The following MB21D2 variants were observed in gnomAD, a reference collection of about 807,000 sequenced individuals.
The protein encoded by MB21D2 is nucleotidyltransferase MB21D2.
In MB21D2, 9 loss-of-function variants were observed where a neutral mutation model predicts 33.3. The observed-to-expected ratio is 0.27, with a 90% CI of 0.16 to 0.47. The LOEUF is 0.47. Ranked by LOEUF, MB21D2 falls within the 20% of genes least tolerant of loss-of-function variation. The pLI, the probability that MB21D2 is intolerant of heterozygous loss-of-function variation, is 0.99. For missense variants in MB21D2, 540 were observed against 624.6 expected (o/e 0.86, Z 1.44); for synonymous variants, 241 against 236.3 (o/e 1.02, Z -0.18).
At chr3:192,862,161 G>T (rs1390034194) in intron 1 of MB21D2, among the ~76,000 whole-genome samples, 1 of 152,222 alleles carries the variant, frequency 6.6e-6, no homozygotes, top group African/African-American at 2.4e-5. Flanking sequence ...AAATGTATCT[G>T]CTTTCATCTG....
chr3:192,815,072 G>A (rs1711891052), intron 1 of MB21D2, among the ~76,000 whole-genome samples: 1 of 151,932 alleles, frequency 6.6e-6, no homozygotes, highest in Admixed American at 6.6e-5. Flanking sequence ...AGAAATAAGA[G>A]TTTCTTTAAT....
intron 1 of MB21D2, among the ~76,000 whole-genome samples, chr3:192,849,148 C>A (rs1005933642): frequency 6.6e-5 from 10 of 152,144 alleles, no homozygotes; most frequent in Non-Finnish European, 1.0e-4. Flanking sequence ...CCTCTGGCCA[C>A]TGGAGTGACA....
chr3:192,857,601 G>C (rs7626384), intron 1 of MB21D2, among the ~76,000 whole-genome samples: 1 of 151,872 alleles, frequency 6.6e-6, no homozygotes, highest in African/African-American at 2.4e-5. Flanking sequence ...ACTACTCCAC[G>C]TGTACATAAT....
intron 1 of MB21D2, among the ~76,000 whole-genome samples, chr3:192,829,602 A>C (rs1712268368): frequency 1.3e-5 from 2 of 151,224 alleles, no homozygotes; most frequent in African/African-American, 4.8e-5. Flanking sequence ...TCTTCTGTTT[A>C]TGTTTATGTT....
At chr3:192,824,970 A>G (rs1712143013) in intron 1 of MB21D2, among the ~76,000 whole-genome samples, 1 of 152,122 alleles carries the variant, frequency 6.6e-6, no homozygotes, top group Admixed American at 6.5e-5. Context: ...TCTGCCTAAA[A>G]CATTACATAC....
At chr3:192,885,592 C>T (rs2108644761) in intron 1 of MB21D2, among the ~76,000 whole-genome samples, 1 of 152,190 alleles carries the variant, frequency 6.6e-6, no homozygotes, top group Non-Finnish European at 1.5e-5. Context: ...CAAGAAGCTC[C>T]TTCTCAATCA....
intron 1 of MB21D2, among the ~76,000 whole-genome samples, chr3:192,890,760 A>C (rs912459823): frequency 6.6e-6 from 1 of 152,034 alleles, no homozygotes; most frequent in Non-Finnish European, 1.5e-5. Context: ...TGCTCTGAGG[A>C]TATGGCATTA....
At chr3:192,885,168 G>A (rs888958962) in intron 1 of MB21D2, among the ~76,000 whole-genome samples, 1 of 152,072 alleles carries the variant, frequency 6.6e-6, no homozygotes, top group African/African-American at 2.4e-5. Context: ...TGACTACATT[G>A]TAAGCCCAAT....
At chr3:192,891,503 T>C (rs900502973) in intron 1 of MB21D2, among the ~76,000 whole-genome samples, 2 of 152,130 alleles carry the variant, frequency 1.3e-5, no homozygotes, top group Non-Finnish European at 2.9e-5. Context: ...TGCAAATCCA[T>C]TGCAAGAGAA....
At chr3:192,908,423 G>C (rs1173080006) in intron 1 of MB21D2, among the ~76,000 whole-genome samples, 1 of 145,708 alleles carries the variant, frequency 6.9e-6, no homozygotes, top group African/African-American at 2.5e-5. Flanking sequence ...TTTTGAGACA[G>C]AGTCTCCCTC....
chr3:192,886,024 G>A (rs1037571728), intron 1 of MB21D2, among the ~76,000 whole-genome samples: 5 of 151,950 alleles, frequency 3.3e-5, no homozygotes, highest in African/African-American at 9.7e-5. Context: ...ACAGTGGCGC[G>A]ATCTCGGCTG....
At chr3:192,829,918 G>A (rs894575145) in intron 1 of MB21D2, among the ~76,000 whole-genome samples, 1 of 152,170 alleles carries the variant, frequency 6.6e-6, no homozygotes, top group South Asian at 2.1e-4. Context: ...GTAGAGACAA[G>A]GGTCTTGCTA....
intron 1 of MB21D2, among the ~76,000 whole-genome samples, chr3:192,912,495 A>T (rs180721204): frequency 1.4e-3 from 220 of 152,226 alleles, no homozygotes; most frequent in African/African-American, 5.1e-3. Flanking sequence ...CAACATGGTG[A>T]AACCCCATCT....
At chr3:192,831,783 A>C (rs1179640046) in intron 1 of MB21D2, among the ~76,000 whole-genome samples, 1 of 152,230 alleles carries the variant, frequency 6.6e-6, no homozygotes, top group East Asian at 1.9e-4. Context: ...TGTTCTGTCC[A>C]CTACACAGAG....
intron 1 of MB21D2, among the ~76,000 whole-genome samples, chr3:192,916,953 G>C (rs749599607): frequency 1.3e-5 from 2 of 152,202 alleles, no homozygotes; most frequent in Non-Finnish European, 2.9e-5. Context: ...TAAGAATTCC[G>C]AGCTCAGCGA....
intron 1 of MB21D2, among the ~76,000 whole-genome samples, chr3:192,816,678 T>C (rs973057966): frequency 3.3e-5 from 5 of 152,174 alleles, no homozygotes; most frequent in Non-Finnish European, 5.9e-5. Flanking sequence ...ACATCGTCGT[T>C]GGTAAGATTC....
At chr3:192,882,596 A>ATTGG (rs574377352) in intron 1 of MB21D2, among the ~76,000 whole-genome samples, 201 of 152,144 alleles carry the variant, frequency 1.3e-3, no homozygotes, top group Admixed American at 3.3e-3. Context: ...ACTGTTTACC[A>ATTGG]TTGGTTATGG....
chr3:192,850,966 C>T (rs1449598550), intron 1 of MB21D2, among the ~76,000 whole-genome samples: 1 of 152,184 alleles, frequency 6.6e-6, no homozygotes, highest in Non-Finnish European at 1.5e-5. Flanking sequence ...GCAGTTAAAC[C>T]AAGCTTGCTC....
At chr3:192,857,039 C>T (rs1712932743) in intron 1 of MB21D2, among the ~76,000 whole-genome samples, 1 of 152,104 alleles carries the variant, frequency 6.6e-6, no homozygotes, top group Admixed American at 6.5e-5. Context: ...AAAGTACTTG[C>T]ACTTCATTAC....
Sources: gnomAD v4.1 joint callset for allele counts (sites outside exome capture counted in the v4.1 genomes callset) on GRCh38, gnomAD v4.1.1 for gene constraint, MANE v1.5 for transcripts, NCBI Gene and HGNC (gene_info 2026-07-23, HGNC 2026-07-21) for gene names.